The following DZIP1 variants were observed in gnomAD, a reference collection of about 807,000 sequenced individuals.
DZIP1 encodes DAZ interacting zinc finger protein 1.
Under a neutral mutation model 107.6 loss-of-function variants are expected in DZIP1, and 97 were observed. The observed-to-expected ratio is 0.90, with a 90% CI of 0.77 to 1.07. The LOEUF (loss-of-function observed/expected upper bound fraction) is 1.07, where lower values mean the gene tolerates loss of function less well. Ranked by LOEUF, DZIP1 falls within the 50% of genes least tolerant of loss-of-function variation. The probability of loss-of-function intolerance (pLI) is 0.00; values close to 1 mark genes in which losing one functional copy is unlikely to be tolerated. For synonymous variants in DZIP1, 390 were observed against 386.4 expected (o/e 1.01, Z -0.11); for missense variants, 1,035 against 1,063.6 (o/e 0.97, Z 0.37).
In DZIP1 at chr13:95,611,476, A is replaced by T. The variant is rs753959568; in HGVS notation, c.1332T>A (p.Cys444Ter). ...TQRQQIKDFT[C>*]NPLNSISEPK... ...GTTCACTGATACTGTTTAATGGATT[A>T]CAGGTAAAGTCTTTAATCTGCAAAG... The change falls in exon 12 of 23, where the codon TGT becomes TGA. Residue 444 changes from cysteine to a stop codon, truncating the protein, a stop_gained. Transcript: ENST00000376829. LOFTEE classifies it high-confidence loss of function. 2.5e-6 allele frequency: 4 copies of T among 1,613,494 alleles called. No individual in the cohort carries two copies. The highest frequency in any genetic ancestry group is 3.4e-6 in the Non-Finnish European group (4 of 1,179,408).
intron 15 of DZIP1, among the ~76,000 whole-genome samples, chr13:95,595,006 A>T (rs945514892): frequency 6.6e-6 from 1 of 152,182 alleles, no homozygotes; most frequent in African/African-American, 2.4e-5. Flanking sequence ...GGCAGTTCAG[A>T]CCCTTACTGA....
At chr13:95,638,661 ACG>A (rs1491178051) in intron 5 of DZIP1, among the ~76,000 whole-genome samples, 2 of 151,168 alleles carry the variant, frequency 1.3e-5, no homozygotes, top group African/African-American at 4.8e-5. Context: ...ACACACACAC[ACG>A]CACACCCCAT....
In DZIP1 at chr13:95,641,296, T is replaced by C. The variant is rs1878455282; in HGVS notation, c.596A>G (p.Gln199Arg). The change falls in exon 5 of 23, where the codon CAG becomes CGG. Residue 199 changes from glutamine to arginine, a missense_variant and splice_region_variant. Transcript: ENST00000376829. This position sits in a 1 kb window ranked among gnomAD's most constrained non-coding sequence, Gnocchi z 4.3. ...TCGTGCTCACACACAGCTGCCCACCTGGTAATAGTTGGCTTTGGCCTCGAT... is the reference window on the plus strand; with the variant it reads ...TCGTGCTCACACACAGCTGCCCACCCGGTAATAGTTGGCTTTGGCCTCGAT... ...LMIEAKANYY[Q>R]CHFCDKAFMN... The C allele has an allele frequency of 6.3e-7, 1 of 1,576,818 alleles. No homozygotes were observed. The highest frequency in any genetic ancestry group is 8.7e-7 in the Non-Finnish European group (1 of 1,155,628).
Position 95,589,889 on chromosome 13 carries a change from T to C in DZIP1, c.1887A>G (p.Glu629=). The C allele has an allele frequency of 6.2e-7, 1 of 1,614,218 alleles. No homozygotes were observed. ...VSQMDTLSTG[E]VPKMIQLPSK... ...AAGGAAGTTGTATCATTTTGGGTAC[T>C]TCTCCAGTTGAAAGGGTATCCATTT... The change falls in exon 18 of 23, where the codon GAA becomes GAG. Residue 629 remains glutamate, a synonymous_variant. Transcript: ENST00000376829.
intron 6 of DZIP1, chr13:95,630,787 G>A: frequency 7.8e-7 from 1 of 1,275,594 alleles, no homozygotes; most frequent in Non-Finnish European, 1.0e-6. Context: ...GGAAACCAAA[G>A]TAGAAAGTCA....
At chr13:95,600,629 TAGAC>T (rs1555306626) in intron 14 of DZIP1, among the ~76,000 whole-genome samples, 215 of 147,570 alleles carry the variant, frequency 1.5e-3, no homozygotes, top group African/African-American at 5.0e-3. Context: ...GATAGATAGA[TAGAC>T]AGACAGACAG....
rs200036360 is a variant in DZIP1 at position 95,586,148 on chromosome 13, A to T, written c.2219-12T>A. ...TTTAACGGCGACTCCTATAAGATCA[A>T]TAAAAATTAGGCAAGTTAAGTATTT... On this transcript the variant is annotated splice_polypyrimidine_tract_variant and intron_variant, in intron 20 of 22. Coordinates refer to ENST00000376829, the MANE Select transcript of DZIP1 (RefSeq NM_198968.4). 6.3e-7 allele frequency: 1 copy of T among 1,578,978 alleles called. No individual in the cohort carries two copies. The highest frequency in any genetic ancestry group is 2.0e-5 in the Admixed American group (1 of 50,372).
chr13:95,641,755 G>T lies in DZIP1; in HGVS notation c.137C>A (p.Ala46Glu), dbSNP rs754885753. Reference protein sequence around the residue: ...AAAGAASMACAPPSAASGPLP... With the variant: ...AAAGAASMACEPPSAASGPLP... ...GGGCCCCGAAGCCGCGCTGGGGGGC[G>T]CACAGGCCATGGAGGCCGCACCCGC... The change falls in exon 5 of 23, where the codon GCG becomes GAG. Residue 46 changes from alanine to glutamate, a missense_variant. By Grantham distance (107) the Ala-to-Glu change is moderately radical. Transcript: ENST00000376829. The surrounding 1 kb of genome is among the most constrained non-coding windows in gnomAD (Gnocchi z 4.3). The T allele has an allele frequency of 5.0e-6, 8 of 1,585,072 alleles. No individual in the cohort carries two copies. The highest frequency in any genetic ancestry group is 6.8e-6 in the Non-Finnish European group (8 of 1,172,378).
At chr13:95,619,987 C>T (rs1345723818) in intron 9 of DZIP1, 40 bp from the exon 10 acceptor site, 1 of 1,605,748 alleles carries the variant, frequency 6.2e-7, no homozygotes, top group South Asian at 1.1e-5. Context: ...ACAACTGTAA[C>T]AATGAGATCT....
chr13:95,611,083 C>T (rs2044988017), intron 12 of DZIP1, among the ~76,000 whole-genome samples: 1 of 152,132 alleles, frequency 6.6e-6, no homozygotes, highest in South Asian at 2.1e-4. Flanking sequence ...TATGAAGTGC[C>T]AGAGATGGGA....
chr13:95,626,400 A>G (rs1876547444), intron 7 of DZIP1, among the ~76,000 whole-genome samples: 1 of 152,206 alleles, frequency 6.6e-6, no homozygotes, highest in African/African-American at 2.4e-5. Context: ...AATTAAAAGG[A>G]TTGTAAGAGA....
intron 15 of DZIP1, among the ~76,000 whole-genome samples, chr13:95,597,311 C>T (rs768343450): frequency 1.3e-4 from 19 of 151,658 alleles, no homozygotes; most frequent in East Asian, 9.7e-4. Context: ...TTTGAAAGTA[C>T]GCGACGTTTT....
intron 3 of DZIP1, among the ~76,000 whole-genome samples, 200 bp downstream of exon 3, chr13:95,642,843 G>A (rs1878692152): frequency 6.6e-6 from 1 of 152,130 alleles, no homozygotes. Flanking sequence ...TTTTTAAATG[G>A]AGTCTTTCTT....
rs1176501517 is a variant in DZIP1, at chr13:95,618,024, C to T, written c.1173+1861G>A. The T allele has an allele frequency of 6.7e-5, 35 of 518,882 alleles. No individual in the cohort carries two copies. In the East Asian group the frequency reaches 1.7e-3, roughly 25 times the overall value. 32.1% of individuals were successfully genotyped at this position (518,882 alleles called of 1,614,324 possible). A position where few individuals can be genotyped will look rare whatever the true frequency, so the allele number is the denominator to read the frequency against. ...TCTTAGGCATGTCGCACTTGAGAAG[C>T]CCATGGAGATGTCGAGTACTGAGCT... is the stretch of plus-strand genomic sequence containing the variant. On this transcript the variant is annotated intron_variant, in intron 10 of 22. Transcript: ENST00000376829.
intron 21 of DZIP1, 151 bp from the exon 22 acceptor site, chr13:95,585,061 G>A: frequency 1.8e-6 from 1 of 568,616 alleles, no homozygotes; most frequent in South Asian, 3.9e-5. Flanking sequence ...ATTTCTGCAG[G>A]GCAATGAAAT....
In DZIP1 at chr13:95,590,141, G is replaced by A. The variant is rs993523196; in HGVS notation, c.1843+138C>T. On this transcript the variant is annotated intron_variant, in intron 17 of 22. Transcript: ENST00000376829. ...ATTTAATAGTACAAACAGTAAAAGA[G>A]TTGCCAGTGAAGTGGCGAAGTTTGT... 3 of 1,051,540 alleles carry A rather than the reference G, an allele frequency of 2.9e-6. No individual in the cohort carries two copies. The East Asian group carries it at 7.9e-5, about 28-fold the overall frequency. The allele number at this position is 1,051,540 out of a possible 1,614,324, so 65.1% of individuals were successfully genotyped here. A position where few individuals can be genotyped will look rare whatever the true frequency, so the allele number is the denominator to read the frequency against.
chr13:95,625,432 C>A (rs1407421136), intron 7 of DZIP1, among the ~76,000 whole-genome samples: 2 of 152,130 alleles, frequency 1.3e-5, no homozygotes, highest in South Asian at 2.1e-4. Flanking sequence ...ACACTATATG[C>A]CAACTAGCCC....
intron 8 of DZIP1, 82 bp from the exon 9 acceptor site, chr13:95,622,562 CTG>C: frequency 1.9e-6 from 3 of 1,549,126 alleles, no homozygotes; most frequent in Non-Finnish European, 2.7e-6. Context: ...GAGCACATAG[CTG>C]TGTTTTAAAT....
Position 95,641,630 on chromosome 13 carries a change from T to A in DZIP1, c.262A>T (p.Thr88Ser). ...ATGTTCATGATGTTCTCCTGCAGCG[T>A]CAGCACGTCCACAGCCCCCGCCACC... is the stretch of plus-strand genomic sequence containing the variant. ...DKVAGAVDVL[T>S]LQENIMNITF... is the part of the protein sequence containing the mutation. Residue 88 changes from threonine to serine, a missense_variant, in exon 5 of 23, where the codon ACG becomes TCG. Transcript: ENST00000376829. The surrounding 1 kb of genome is among the most constrained non-coding windows in gnomAD (Gnocchi z 4.3). 1 of 1,611,280 alleles carries A rather than the reference T, an allele frequency of 6.2e-7. No homozygotes were observed. The highest frequency in any genetic ancestry group is 8.5e-7 in the Non-Finnish European group (1 of 1,180,024).
Sources: allele counts gnomAD v4.1 joint callset (sites outside exome capture counted in the v4.1 genomes callset), GRCh38; gene constraint gnomAD v4.1.1; non-coding constraint Gnocchi (gnomAD v3.1); transcripts MANE v1.5; gene names NCBI Gene and HGNC (gene_info 2026-07-23, HGNC 2026-07-21).